The following NFYA variants were observed in gnomAD, a reference collection of about 807,000 sequenced individuals.
NFYA encodes the protein CAAT-box DNA binding protein subunit A.
NFYA carries 28 observed loss-of-function variants against 52.8 expected under a neutral mutation model. That is an observed-to-expected ratio of 0.53 (90% CI 0.39 to 0.73). The LOEUF (loss-of-function observed/expected upper bound fraction) is 0.73, where lower values mean the gene tolerates loss of function less well. Among genes scored for constraint, NFYA ranks in the 30% least tolerant of loss-of-function variants. The pLI is 0.00. For synonymous variants in NFYA, 150 were observed against 150.7 expected (o/e 1.00, Z 0.03); for missense variants, 234 against 427.0 (o/e 0.55, Z 3.98).
intron 1 of NFYA, among the ~76,000 whole-genome samples, chr6:41,074,793 C>A (rs1295970337): frequency 6.6e-6 from 1 of 152,110 alleles, no homozygotes; most frequent in African/African-American, 2.4e-5. Context: ...ATTGAAAAAA[C>A]GAGTTTCTGA....
chr6:41,073,390 G>A (rs1304150377), intron 1 of NFYA, among the ~76,000 whole-genome samples: 1 of 151,916 alleles, frequency 6.6e-6, no homozygotes, highest in Non-Finnish European at 1.5e-5. Context: ...CCCGACTCAG[G>A]CCCAGGTTCT....
rs114701672 is a variant in NFYA at position 41,096,188 on chromosome 6, T to A, written c.991-1169T>A. 4.9e-3 allele frequency among the ~76,000 whole-genome samples: 740 copies of A among 152,312 alleles called. 6 individuals are homozygous for A. Among genetic ancestry groups the A allele is most frequent in the African/African-American group, 0.016 (669 of 41,556 alleles). On this transcript the variant is annotated intron_variant, in intron 9 of 9. Transcript: ENST00000341376. ...TCTCAAACTATTTCTGTATAACATCTAAGCAACTTTGCCTTATCACCCCCT... is the reference window on the plus strand; with the variant it reads ...TCTCAAACTATTTCTGTATAACATCAAAGCAACTTTGCCTTATCACCCCCT...
chr6:41,080,613 G>A (rs1379318458), intron 2 of NFYA, among the ~76,000 whole-genome samples, 198 bp from the exon 3 acceptor site: 1 of 152,172 alleles, frequency 6.6e-6, no homozygotes, highest in Non-Finnish European at 1.5e-5. Flanking sequence ...TCAAATTTTT[G>A]AGGTCCACTC....
chr6:41,089,890 C>T (rs1764155180), intron 5 of NFYA, among the ~76,000 whole-genome samples, 180 bp downstream of exon 5: 1 of 152,162 alleles, frequency 6.6e-6, no homozygotes, highest in African/African-American at 2.4e-5. Flanking sequence ...GAGGCCGAGG[C>T]AAGCTGATCA....
rs1281909427 is a variant in NFYA at position 41,099,648 on chromosome 6, T to C, written c.*2238T>C. The C allele has an allele frequency of 2.0e-5, 3 of 152,212 alleles. No homozygotes were observed. Among genetic ancestry groups the C allele is most frequent in the Non-Finnish European group, 4.4e-5 (3 of 68,036 alleles). 9.4% of individuals were successfully genotyped at this position (152,212 alleles called of 1,614,324 possible). ...TTATTTGTGACTGTAGTGATAACTTTACAGATGGAGAAAGAGTGAATGGAT... is the reference window on the plus strand; with the variant it reads ...TTATTTGTGACTGTAGTGATAACTTCACAGATGGAGAAAGAGTGAATGGAT... On this transcript the variant is annotated 3_prime_UTR_variant, in exon 10 of 10. Transcript: ENST00000341376.
At chr6:41,096,748 T>C (rs893920470) in intron 9 of NFYA, among the ~76,000 whole-genome samples, 11 of 152,138 alleles carry the variant, frequency 7.2e-5, no homozygotes, top group African/African-American at 2.7e-4. Context: ...ACACGGTAGG[T>C]CTTAAGTGAG....
Position 41,091,707 on chromosome 6 carries a change from A to G in NFYA, c.714+13A>G. ...AGGGATGGTCATGGTAAGAAAATGTATTTTTCAGCTTTGTCTTTGAAATTT... is the reference window on the plus strand; with the variant it reads ...AGGGATGGTCATGGTAAGAAAATGTGTTTTTCAGCTTTGTCTTTGAAATTT... On this transcript the variant is annotated intron_variant, in intron 7 of 9. Transcript: ENST00000341376. The G allele has an allele frequency of 2.5e-6, 4 of 1,604,308 alleles. No homozygotes were observed. Among genetic ancestry groups the G allele is most frequent in the Non-Finnish European group, 3.4e-6 (4 of 1,176,008 alleles).
At chr6:41,077,809 G>A (rs1763782428) in intron 1 of NFYA, among the ~76,000 whole-genome samples, 1 of 152,130 alleles carries the variant, frequency 6.6e-6, no homozygotes, top group Non-Finnish European at 1.5e-5. Flanking sequence ...TTAGATCAAG[G>A]GCAGTGCTTT....
intron 3 of NFYA, among the ~76,000 whole-genome samples, chr6:41,081,614 A>AGGCTAGGCTGTGCT (rs1387462679): frequency 6.6e-6 from 1 of 152,254 alleles, no homozygotes; most frequent in African/African-American, 2.4e-5. Flanking sequence ...CACATAAACT[A>AGGCTAGGCTGTGCT]GGCTAGGCTG....
chr6:41,093,471 CT>C lies in NFYA; in HGVS notation c.888+400del, dbSNP rs769282285. On this transcript the variant is annotated intron_variant, in intron 8 of 9. Transcript: ENST00000341376. ...AAAGGGAACAAGAAAGGTACCCTTT[CT>C]TTTTTTTTTTTTTCCTGAGACTCAG... 2.9e-3 allele frequency among the ~76,000 whole-genome samples: 416 copies of C among 142,404 alleles called. 1 individual carries two copies. Among genetic ancestry groups the C allele is most frequent in the East Asian group, 5.1e-3 (25 of 4,914 alleles). The allele number at this position is 142,404 out of a possible 152,430, so 93.4% of individuals were successfully genotyped here.
intron 1 of NFYA, among the ~76,000 whole-genome samples, chr6:41,078,324 G>A (rs994710791): frequency 1.3e-5 from 2 of 152,108 alleles, no homozygotes; most frequent in African/African-American, 4.8e-5. Context: ...ACTTTGCCAC[G>A]ATAATGAGCA....
Position 41,092,994 on chromosome 6 carries a change from A to C in NFYA, c.797A>C (p.Tyr266Ser). The C allele has an allele frequency of 6.2e-7, 1 of 1,614,114 alleles. No individual in the cohort carries two copies. Residue 266 changes from tyrosine to serine, a missense_variant, in exon 8 of 10, where the codon TAC becomes TCC. Around this residue, in one of 3 missense-constraint regions of NFYA, gnomAD observed 81 missense variants for 210.5 expected, o/e 0.38. Coordinates refer to ENST00000341376, the MANE Select transcript of NFYA (RefSeq NM_002505.5). ...GAEMLEEEPL[Y>S]VNAKQYHRIL... Reference sequence around the variant, plus strand: ...GAGATGCTTGAAGAAGAGCCTCTCTACGTGAATGCCAAACAATACCACCGT... The same window carrying C: ...GAGATGCTTGAAGAAGAGCCTCTCTCCGTGAATGCCAAACAATACCACCGT...
Position 41,097,700 on chromosome 6 carries a change from A to C in NFYA, c.*290A>C. The C allele has an allele frequency of 3.2e-6, 1 of 312,864 alleles. No individual in the cohort carries two copies. Among genetic ancestry groups the C allele is most frequent in the South Asian group, 4.3e-5 (1 of 23,086 alleles). The allele number at this position is 312,864 out of a possible 1,614,324, so 19.4% of individuals were successfully genotyped here. On this transcript the variant is annotated 3_prime_UTR_variant, in exon 10 of 10. Transcript: ENST00000341376. ...GAGACACATGCCACCCCAGCAGTAC[A>C]CAAAGCACTTACCTTGACTGGTGAA...
At chr6:41,096,589 A>G (rs926902370) in intron 9 of NFYA, among the ~76,000 whole-genome samples, 6 of 152,236 alleles carry the variant, frequency 3.9e-5, no homozygotes, top group African/African-American at 1.4e-4. Flanking sequence ...CTCATTGTTC[A>G]AGACCCAGTT....
rs1351533655 is a variant in NFYA, at chr6:41,097,306, T to G, written c.991-51T>G. 3 of 1,565,492 alleles carry G rather than the reference T, an allele frequency of 1.9e-6. No homozygotes were observed. In the African/African-American group the frequency reaches 4.1e-5, roughly 21 times the overall value. On this transcript the variant is annotated intron_variant, in intron 9 of 9. Coordinates refer to ENST00000341376, the MANE Select transcript of NFYA (RefSeq NM_002505.5). ...GGGATAAGTAGTGAGAGCCATGAGTTCCTGTTGCTTTTGCAAAGGACTTTA... is the reference window on the plus strand; with the variant it reads ...GGGATAAGTAGTGAGAGCCATGAGTGCCTGTTGCTTTTGCAAAGGACTTTA...
rs894064912 is a variant in NFYA at position 41,079,018 on chromosome 6, C to G, written c.-61-11C>G. On this transcript the variant is annotated splice_polypyrimidine_tract_variant and intron_variant, in intron 1 of 9. Coordinates refer to ENST00000341376, the MANE Select transcript of NFYA (RefSeq NM_002505.5). ...ATCTCACTTTAGTTTCTTTCCCCAC[C>G]TTTCTAACAGGAGTGTACCTCACAG... 7.2e-7 allele frequency: 1 copy of G among 1,387,906 alleles called. No homozygotes were observed. Among genetic ancestry groups the G allele is most frequent in the Non-Finnish European group, 1.0e-6 (1 of 987,212 alleles). 86.0% of individuals were successfully genotyped at this position (1,387,906 alleles called of 1,614,324 possible).
At chr6:41,082,266 G>C (rs372271432) in intron 3 of NFYA, among the ~76,000 whole-genome samples, 1 of 152,352 alleles carries the variant, frequency 6.6e-6, no homozygotes, top group East Asian at 1.9e-4. Flanking sequence ...AACTGAGCTT[G>C]TAGGCATTCC....
chr6:41,084,007 C>T (rs957521469), intron 3 of NFYA, 39 bp from the exon 4 acceptor site: 23 of 1,548,596 alleles, frequency 1.5e-5, no homozygotes, highest in Non-Finnish European at 2.0e-5. Flanking sequence ...CATTTTGTGT[C>T]TTATGTTATT....
chr6:41,097,436 C>T lies in NFYA; in HGVS notation c.*26C>T. On this transcript the variant is annotated 3_prime_UTR_variant, in exon 10 of 10. Transcript: ENST00000341376. Reference sequence around the variant, plus strand: ...CCCCACGCCATGTGATGGAGCTGATCAAGGTCATGTTTCTCACTGTTCCAG... The same window carrying T: ...CCCCACGCCATGTGATGGAGCTGATTAAGGTCATGTTTCTCACTGTTCCAG... 6.2e-7 allele frequency: 1 copy of T among 1,611,446 alleles called. No individual in the cohort carries two copies. Among genetic ancestry groups the T allele is most frequent in the South Asian group, 1.1e-5 (1 of 90,910 alleles).
Sources: gnomAD v4.1 joint callset for allele counts (sites outside exome capture counted in the v4.1 genomes callset) on GRCh38, gnomAD v4.1.1 for gene constraint, gnomAD v4.1.1 regional missense constraint, MANE v1.5 for transcripts, NCBI Gene and HGNC (gene_info 2026-07-23, HGNC 2026-07-21) for gene names.